SYNPR: variants seen among roughly 807,000 people sequenced by gnomAD.
SYNPR encodes synaptoporin.
In SYNPR, 23 loss-of-function variants were observed where a neutral mutation model predicts 32.9. The observed-to-expected ratio is 0.70, with a 90% CI of 0.50 to 0.99. SYNPR has a LOEUF of 0.99. SYNPR is among the 50% of genes least tolerant of loss of function. The pLI is 0.00. For synonymous variants in SYNPR, 146 were observed against 135.9 expected (o/e 1.07, Z -0.52); for missense variants, 318 against 349.3 (o/e 0.91, Z 0.71).
chr3:63,240,752 G>C (rs566537387), intron 1 of SYNPR, among the ~76,000 whole-genome samples: 1 of 152,106 alleles, frequency 6.6e-6, no homozygotes, highest in African/African-American at 2.4e-5. Flanking sequence ...CATACTCTTT[G>C]TGTGAGTGAG....
At chr3:63,311,854 T>C (rs1017131873) in intron 2 of SYNPR, among the ~76,000 whole-genome samples, 5 of 152,010 alleles carry the variant, frequency 3.3e-5, no homozygotes, top group South Asian at 2.1e-4. Context: ...TAATACCCTA[T>C]TGAACTCAGC....
At position 63,448,331 on chromosome 3, in the gene SYNPR, T is replaced by A. The variant is rs547226739; in HGVS notation, c.85-32501T>A. The stretch of plus-strand genomic sequence containing the variant: ...ACACAATCTTTAAATCCTCCCAAAT[T>A]ACCACACCTTGTCTCAATGTAGACT... On this transcript the variant is annotated intron_variant, in intron 2 of 5. Coordinates refer to ENST00000478300, the MANE Select transcript of SYNPR (RefSeq NM_001130003.2). Among the ~76,000 whole-genome samples, 51 of 152,310 alleles carry A rather than the reference T, an allele frequency of 3.3e-4. No homozygotes were observed. In the South Asian group the frequency reaches 0.01, roughly 30 times the overall value.
intron 3 of SYNPR, among the ~76,000 whole-genome samples, chr3:63,505,693 T>TTAA (rs1447068687): frequency 6.6e-6 from 1 of 152,218 alleles, no homozygotes; most frequent in Non-Finnish European, 1.5e-5. Flanking sequence ...AATGTGTTTA[T>TTAA]ATACAAGATA....
intron 2 of SYNPR, among the ~76,000 whole-genome samples, chr3:63,397,914 A>G (rs1331262363): frequency 2.0e-5 from 3 of 152,228 alleles, no homozygotes; most frequent in Non-Finnish European, 4.4e-5. Context: ...AGACAAGTAT[A>G]GAAATAGCTT....
intron 2 of SYNPR, among the ~76,000 whole-genome samples, chr3:63,376,343 G>T (rs1488875259): frequency 1.3e-5 from 2 of 152,028 alleles, no homozygotes; most frequent in Non-Finnish European, 2.9e-5. Context: ...GTTATAACTT[G>T]CATTAGTTAA....
At chr3:63,593,097 C>A (rs1441633103) in intron 4 of SYNPR, among the ~76,000 whole-genome samples, 1 of 151,914 alleles carries the variant, frequency 6.6e-6, no homozygotes, top group Admixed American at 6.6e-5. Flanking sequence ...ATAAAAAATT[C>A]TCAATGAAGA....
chr3:63,442,932 C>A, intron 2 of SYNPR: 2 of 586,186 alleles, frequency 3.4e-6, no homozygotes, highest in Non-Finnish European at 4.3e-6. Flanking sequence ...ATAAAACCAC[C>A]ATTTTTCCCC....
chr3:63,588,012 A>G (rs1220045394), intron 4 of SYNPR, among the ~76,000 whole-genome samples: 1 of 152,110 alleles, frequency 6.6e-6, no homozygotes, highest in African/African-American at 2.4e-5. Context: ...TAAGTTCAAC[A>G]TACTTAGAAA....
chr3:63,314,052 C>CATATATATATATATCCAT lies in SYNPR; in HGVS notation c.84+35323_84+35340dup, dbSNP rs1560189177. On this transcript the variant is annotated intron_variant, in intron 2 of 5. Transcript: ENST00000478300. The stretch of plus-strand genomic sequence containing the variant: ...ATATATATCCATATATATATATATC[C>CATATATATATATATCCAT]ATATATATATATATCCATATATATA... Among the ~76,000 whole-genome samples the CATATATATATATATCCAT allele has an allele frequency of 2.1e-4, 9 of 43,564 alleles. 1 individual carries two copies. Among genetic ancestry groups the CATATATATATATATCCAT allele is most frequent in the African/African-American group, 8.9e-4 (8 of 8,948 alleles). The allele number at this position is 43,564 out of a possible 152,430, so 28.6% of individuals were successfully genotyped here. A position where few individuals can be genotyped will look rare whatever the true frequency, so the allele number is the denominator to read the frequency against.
At chr3:63,270,895 CCT>C (rs2086528891) in intron 3 of SYNPR, among the ~76,000 whole-genome samples, 2 of 53,472 alleles carry the variant, frequency 3.7e-5, no homozygotes, top group African/African-American at 6.0e-5. Flanking sequence ...TTCCTTCCTT[CCT>C]TTTCTTTCCT....
intron 2 of SYNPR, among the ~76,000 whole-genome samples, chr3:63,321,779 G>A (rs562130925): frequency 1.3e-5 from 2 of 152,106 alleles, no homozygotes; most frequent in Middle Eastern, 3.4e-3. Context: ...CTCTCCACAT[G>A]AGTAGCCAAT....
chr3:63,464,593 C>T (rs1700644909), intron 2 of SYNPR, among the ~76,000 whole-genome samples: 1 of 152,100 alleles, frequency 6.6e-6, no homozygotes, highest in African/African-American at 2.4e-5. Flanking sequence ...CATCCAATGC[C>T]TCCTTCTTAT....
At chr3:63,338,355 T>G (rs2087321023) in intron 2 of SYNPR, among the ~76,000 whole-genome samples, 1 of 152,130 alleles carries the variant, frequency 6.6e-6, no homozygotes, top group African/African-American at 2.4e-5. Flanking sequence ...GGTGTCTAGT[T>G]TCCTTAAAAT....
intron 2 of SYNPR, among the ~76,000 whole-genome samples, chr3:63,261,026 A>T (rs1383162010): frequency 1.3e-5 from 2 of 152,226 alleles, no homozygotes; most frequent in Non-Finnish European, 2.9e-5. Context: ...ATACCATCTC[A>T]CACCACTTAG....
chr3:63,374,157 T>C (rs146530349), intron 2 of SYNPR, among the ~76,000 whole-genome samples: 1,621 of 152,310 alleles, frequency 0.011, 35 homozygotes, highest in African/African-American at 0.037. Context: ...GCCCATTCAG[T>C]ATGATGTTGG....
chr3:63,465,077 C>A (rs1490096122), intron 2 of SYNPR, among the ~76,000 whole-genome samples: 9 of 152,074 alleles, frequency 5.9e-5, no homozygotes, highest in Non-Finnish European at 1.3e-4. Flanking sequence ...ATTTTATTGC[C>A]TCTTAGATTT....
At chr3:63,443,593 T>C (rs2107163642) in intron 2 of SYNPR, 2 of 1,070,806 alleles carry the variant, frequency 1.9e-6, no homozygotes, top group African/African-American at 1.6e-5. Context: ...AAGTCTCTAG[T>C]AATAATCTCT....
At chr3:63,337,856 T>TG (rs986909330) in intron 2 of SYNPR, among the ~76,000 whole-genome samples, 3 of 152,038 alleles carry the variant, frequency 2.0e-5, no homozygotes, top group African/African-American at 7.2e-5. Flanking sequence ...CAGAGGTTAA[T>TG]GGAAAGGAAG....
At chr3:63,260,029 C>T (rs558531657) in intron 2 of SYNPR, among the ~76,000 whole-genome samples, 89 of 152,252 alleles carry the variant, frequency 5.8e-4, no homozygotes, top group African/African-American at 1.7e-3. Flanking sequence ...CGAAGGACCT[C>T]TTCAAGGAGA....
Sources: gnomAD v4.1 joint callset for allele counts (sites outside exome capture counted in the v4.1 genomes callset) on GRCh38, gnomAD v4.1.1 for gene constraint, MANE v1.5 for transcripts, NCBI Gene and HGNC (gene_info 2026-07-23, HGNC 2026-07-21) for gene names.